Variants in TBPL2 observed in about 807,000 individuals in gnomAD.
The protein encoded by TBPL2 is TATA box-binding protein-like 2.
A neutral mutation model predicts 38.2 loss-of-function variants in TBPL2; 40 were observed. The observed-to-expected ratio is 1.05, with a 90% CI of 0.81 to 1.36. The LOEUF (loss-of-function observed/expected upper bound fraction) is 1.36. Ranked by LOEUF, TBPL2 falls within the 40% of genes most tolerant of loss-of-function variation. The probability of loss-of-function intolerance (pLI) is 0.00; values close to 1 mark genes in which losing one functional copy is unlikely to be tolerated. For missense variants in TBPL2, 461 were observed against 456.7 expected (o/e 1.01, Z -0.09); for synonymous variants, 169 against 171.7 (o/e 0.98, Z 0.12).
At chr14:55,437,357 A>C (rs892189030) in intron 1 of TBPL2, among the ~76,000 whole-genome samples, 1 of 152,248 alleles carries the variant, frequency 6.6e-6, no homozygotes, top group Admixed American at 6.5e-5. Context: ...GCCTGCCTGT[A>C]ATCCCAGCTA....
chr14:55,439,792 G>A (rs1469535423), intron 1 of TBPL2, among the ~76,000 whole-genome samples: 2 of 151,672 alleles, frequency 1.3e-5, no homozygotes, highest in East Asian at 1.9e-4. Context: ...TTAGCCGGGC[G>A]TAGTGGCGGG....
At position 55,439,617 on chromosome 14, in the gene TBPL2, C is replaced by CCCCA. The variant is rs1555344748; in HGVS notation, c.150+778_150+779insTGGG. ...ACCAGCCTGGGGAGAAAAGCAAACC[C>CCCCA]CCCCCCGTCTCTACTAAAAAATACA... On this transcript the variant is annotated intron_variant, in intron 1 of 6. Transcript: ENST00000247219. 2.8e-5 allele frequency among the ~76,000 whole-genome samples: 2 copies of CCCCA among 72,628 alleles called. 1 individual carries two copies. The highest frequency in any genetic ancestry group is 9.0e-5 in the African/African-American group (2 of 22,232). 47.6% of individuals were successfully genotyped at this position (72,628 alleles called of 152,430 possible).
Position 55,414,463 on chromosome 14 carries a change from G to A in TBPL2, c.1052-8C>T. On this transcript the variant is annotated splice_polypyrimidine_tract_variant and splice_region_variant and intron_variant, in intron 6 of 6. Coordinates refer to ENST00000247219, the Ensembl canonical transcript of TBPL2. ...CAGAACGTTCTTTGGCACCTATAAA[G>A]AAATCCAGGTTTATATAATTTTTAA... is the stretch of plus-strand genomic sequence containing the variant. The A allele has an allele frequency of 6.3e-7, 1 of 1,587,688 alleles. No homozygotes were observed. Among genetic ancestry groups the A allele is most frequent in the Non-Finnish European group, 8.6e-7 (1 of 1,166,844 alleles).
rs1318614650 is a variant in TBPL2, at chr14:55,440,476, G to A, written c.70C>T (p.Pro24Ser). The A allele has an allele frequency of 1.1e-5, 18 of 1,612,648 alleles. No individual in the cohort carries two copies. Among genetic ancestry groups the A allele is most frequent in the Non-Finnish European group, 1.5e-5 (18 of 1,179,724 alleles). Residue 24 changes from proline to serine, a missense_variant, in exon 1 of 7, where the codon CCA (proline) becomes TCA (serine). By Grantham distance (74) the Pro-to-Ser change is moderately conservative. Transcript: ENST00000247219. ...GACCGTAATCCCACTGTTGGGGGTG[G>A]GGGCGGGTAAGAGGGTAAGCGCGGA...
At chr14:55,422,658 C>A (rs1490797155) in intron 6 of TBPL2, among the ~76,000 whole-genome samples, 1 of 152,174 alleles carries the variant, frequency 6.6e-6, no homozygotes, top group African/African-American at 2.4e-5. Context: ...TCGAGACCAG[C>A]CTAGCCAATT....
intron 6 of TBPL2, among the ~76,000 whole-genome samples, chr14:55,423,669 A>G (rs11627272): frequency 0.029 from 4,462 of 152,350 alleles, 118 homozygotes; most frequent in Non-Finnish European, 0.033. Context: ...TTATGTCACG[A>G]TATGAAATTC....
In TBPL2 at chr14:55,430,462, A is replaced by G. The variant is rs536068105; in HGVS notation, c.789-1488T>C. ...TGCTCTGTTACCCAGGCTGGAGTGC[A>G]GTGGCATGATCATAGCTCACTGCAG... On this transcript the variant is annotated intron_variant, in intron 4 of 6. Coordinates refer to ENST00000247219, the Ensembl canonical transcript of TBPL2. 2.7e-5 allele frequency among the ~76,000 whole-genome samples: 4 copies of G among 150,404 alleles called. No individual in the cohort carries two copies. The South Asian group carries it at 8.4e-4, about 32-fold the overall frequency.
At chr14:55,420,056 C>T (rs1012835113) in intron 6 of TBPL2, among the ~76,000 whole-genome samples, 1 of 152,052 alleles carries the variant, frequency 6.6e-6, no homozygotes, top group Non-Finnish European at 1.5e-5. Flanking sequence ...GAAATTAGGC[C>T]CTTAAGGTTT....
intron 3 of TBPL2, among the ~76,000 whole-genome samples, chr14:55,433,961 T>C (rs1352721011): frequency 6.6e-6 from 1 of 152,228 alleles, no homozygotes; most frequent in Non-Finnish European, 1.5e-5. Flanking sequence ...TCAGTTCCTA[T>C]TTATTCTCAT....
In TBPL2 at chr14:55,436,938, C is replaced by T. The variant is rs568763103; in HGVS notation, c.231G>A (p.Pro77=). The change falls in exon 2 of 7, where the codon CCG becomes CCA. Residue 77 remains proline, a synonymous_variant. Transcript: ENST00000247219. ...CAGGGTTCGAATTAAATGCAGTATC[C>T]GGATTGGATGCATTCAGTATGTACA... 55 of 1,614,092 alleles carry T rather than the reference C, an allele frequency of 3.4e-5. No homozygotes were observed. The South Asian group carries it at 3.5e-4, about 10-fold the overall frequency.
At chr14:55,433,641 C>G in exon 4 of TBPL2, 1 of 1,613,968 alleles carries the variant, frequency 6.2e-7, no homozygotes, top group Non-Finnish European at 8.5e-7. Context: ...TTTTGGCTCC[C>G]GTGCAGACCA....
intron 5 of TBPL2, among the ~76,000 whole-genome samples, chr14:55,425,897 C>T (rs1048455203): frequency 1.3e-5 from 2 of 152,158 alleles, no homozygotes; most frequent in African/African-American, 2.4e-5. Context: ...CATTATCATC[C>T]TAGCATCTGC....
chr14:55,423,924 A>C (rs958440972), intron 6 of TBPL2, among the ~76,000 whole-genome samples: 2 of 152,240 alleles, frequency 1.3e-5, no homozygotes, highest in Non-Finnish European at 2.9e-5. Flanking sequence ...TAATTCTGTA[A>C]AAAAATCAGG....
At chr14:55,433,675 G>C in exon 4 of TBPL2, 1 of 1,614,028 alleles carries the variant, frequency 6.2e-7, no homozygotes, top group Non-Finnish European at 8.5e-7. Flanking sequence ...AAATATAAGG[G>C]CTGTTGTCCT....
intron 6 of TBPL2, among the ~76,000 whole-genome samples, chr14:55,418,557 G>A (rs1885700667): frequency 6.6e-6 from 1 of 152,016 alleles, no homozygotes; most frequent in Admixed American, 6.6e-5. Context: ...TTAACAATTG[G>A]GAGGCACATC....
intron 2 of TBPL2, 39 bp from the exon 3 acceptor site, chr14:55,435,973 TA>T (rs750101770): frequency 1.8e-6 from 2 of 1,133,848 alleles, no homozygotes; most frequent in Non-Finnish European, 2.5e-6. Context: ...ATATCAGATA[TA>T]AAGAGTAAAA....
At chr14:55,429,518 C>G (rs1165473222) in intron 4 of TBPL2, among the ~76,000 whole-genome samples, 1 of 152,098 alleles carries the variant, frequency 6.6e-6, no homozygotes, top group Non-Finnish European at 1.5e-5. Context: ...AATCCCAGCA[C>G]TTTGGGAGGC....
intron 6 of TBPL2, among the ~76,000 whole-genome samples, chr14:55,419,293 T>A (rs1174912451): frequency 6.6e-6 from 1 of 152,212 alleles, no homozygotes; most frequent in Non-Finnish European, 1.5e-5. Context: ...AGGTATAAAG[T>A]ACAACTCACA....
At chr14:55,438,243 C>G (rs1886047982) in intron 1 of TBPL2, among the ~76,000 whole-genome samples, 1 of 152,180 alleles carries the variant, frequency 6.6e-6, no homozygotes, top group Non-Finnish European at 1.5e-5. Context: ...TGACTGGAGC[C>G]TATTGGAGTG....
Sources: allele counts gnomAD v4.1 joint callset (sites outside exome capture counted in the v4.1 genomes callset), GRCh38; gene constraint gnomAD v4.1.1; transcripts MANE v1.5; gene names NCBI Gene and HGNC (gene_info 2026-07-23, HGNC 2026-07-21).